Variants in ARG1 observed in about 807,000 individuals in gnomAD.
ARG1 encodes arginase-1.
ARG1 carries 20 observed loss-of-function variants against 33.0 expected under a neutral mutation model. The observed-to-expected ratio is 0.61, with a 90% confidence interval of 0.43 to 0.88. The LOEUF (loss-of-function observed/expected upper bound fraction) is 0.88, where lower values mean the gene tolerates loss of function less well. Among genes scored for constraint, ARG1 ranks in the 40% least tolerant of loss-of-function variants. The pLI is 0.00. For synonymous variants in ARG1, 146 were observed against 140.6 expected (o/e 1.04, Z -0.27); for missense variants, 374 against 384.7 (o/e 0.97, Z 0.23).
chr6:131,575,176 A>T (rs968288220), intron 1 of ARG1, among the ~76,000 whole-genome samples: 1 of 152,192 alleles, frequency 6.6e-6, no homozygotes, highest in Non-Finnish European at 1.5e-5. Flanking sequence ...TATAGTGTCA[A>T]CTAAGGGGTC....
At chr6:131,583,520 G>A in intron 7 of ARG1, 29 bp downstream of exon 7, 1 of 1,612,380 alleles carries the variant, frequency 6.2e-7, no homozygotes, top group Middle Eastern at 1.7e-4. Flanking sequence ...TAATAGAGAA[G>A]CAAGTGTACA....
At chr6:131,576,010 A>G (rs564178278) in intron 1 of ARG1, among the ~76,000 whole-genome samples, 3 of 152,250 alleles carry the variant, frequency 2.0e-5, no homozygotes, top group Admixed American at 2.0e-4. Context: ...CACTCTTTCG[A>G]TGCTTTTGCC....
Position 131,583,454 on chromosome 6 carries a change from A to T in ARG1, c.765A>T (p.Arg255Ser). ...GTPVVGGLTY[R>S]EGLYITEEIY... is the part of the protein sequence containing the mutation. ...CAGTCGTGGGAGGTCTGACATACAG[A>T]GAAGGTCTCTACATCACAGAAGAAA... is the stretch of plus-strand genomic sequence containing the variant. The change falls in exon 7 of 8, where the codon AGA (arginine) becomes AGT (serine). Residue 255 changes from arginine to serine, a missense_variant. By Grantham distance (110) the Arg-to-Ser change is moderately radical. Transcript: ENST00000368087. The T allele has an allele frequency of 3.7e-6, 6 of 1,614,100 alleles. No homozygotes were observed. Among genetic ancestry groups the T allele is most frequent in the Non-Finnish European group, 5.1e-6 (6 of 1,179,952 alleles).
chr6:131,579,111 A>G lies in ARG1; in HGVS notation c.131A>G (p.Glu44Gly), dbSNP rs1299429729. The change falls in exon 3 of 8, where the codon GAG becomes GGG. Residue 44 changes from glutamate (E) to glycine (G), a missense_variant and splice_region_variant. Transcript: ENST00000368087. ...AGLLEKLKEQECDVKDYGDLP... is the reference protein window; with the variant it reads ...AGLLEKLKEQGCDVKDYGDLP... ...GTAACTCAAAACTTTTTAATTTTAG[A>G]GTGTGATGTGAAGGATTATGGGGAC... 1 of 1,614,028 alleles carries G rather than the reference A, an allele frequency of 6.2e-7. No individual in the cohort carries two copies. Among genetic ancestry groups the G allele is most frequent in the African/African-American group, 1.3e-5 (1 of 75,050 alleles).
intron 2 of ARG1, among the ~76,000 whole-genome samples, chr6:131,578,349 A>G (rs1773732514): frequency 6.6e-6 from 1 of 152,180 alleles, no homozygotes. Context: ...TGTAACAAAT[A>G]CCATATTTAA....
chr6:131,581,103 A>G, intron 3 of ARG1, 116 bp from the exon 4 acceptor site: 1 of 1,010,742 alleles, frequency 9.9e-7, no homozygotes, highest in Non-Finnish European at 1.5e-6. Flanking sequence ...AGAACCTATC[A>G]GAAATATCAG....
chr6:131,582,977 C>A, intron 5 of ARG1, 83 bp from the exon 6 acceptor site: 1 of 958,926 alleles, frequency 1.0e-6, no homozygotes, highest in Non-Finnish European at 1.6e-6. Flanking sequence ...ATATATTTTA[C>A]TATATTTATA....
chr6:131,583,453 GAGA>G lies in ARG1; in HGVS notation c.767_769del (p.Glu256del), dbSNP rs1554251236. 1.1e-5 allele frequency: 17 copies of G among 1,614,154 alleles called. No individual in the cohort carries two copies. The highest frequency in any genetic ancestry group is 1.4e-5 in the Non-Finnish European group (16 of 1,179,994). The stretch of plus-strand genomic sequence containing the variant: ...CCAGTCGTGGGAGGTCTGACATACA[GAGA>G]AGGTCTCTACATCACAGAAGAAATC... On this transcript the variant is annotated inframe_deletion, in exon 7 of 8. Transcript: ENST00000368087.
chr6:131,579,190 A>G lies in ARG1; in HGVS notation c.210A>G (p.Pro70=), dbSNP rs745580041. 1.9e-6 allele frequency: 3 copies of G among 1,613,988 alleles called. No individual in the cohort carries two copies. Among genetic ancestry groups the G allele is most frequent in the Non-Finnish European group, 1.7e-6 (2 of 1,180,024 alleles). ...NDSPFQIVKN[P]RSVGKASEQL... is the part of the protein sequence containing the mutation. ...GTCCCTTTCAAATTGTGAAGAATCC[A>G]AGGTCTGTGGGAAAAGCAAGCGAGC... Residue 70 remains proline (P), a synonymous_variant, in exon 3 of 8, where the codon CCA becomes CCG. Transcript: ENST00000368087.
chr6:131,584,017 G>T lies in ARG1; in HGVS notation c.*109G>T, dbSNP rs1000451954. 2.3e-6 allele frequency: 3 copies of T among 1,315,252 alleles called. No individual in the cohort carries two copies. Among genetic ancestry groups the T allele is most frequent in the Middle Eastern group, 2.1e-4 (1 of 4,854 alleles). The allele number at this position is 1,315,252 out of a possible 1,614,324, so 81.5% of individuals were successfully genotyped here. A position where few individuals can be genotyped will look rare whatever the true frequency, so the allele number is the denominator to read the frequency against. On this transcript the variant is annotated 3_prime_UTR_variant, in exon 8 of 8. Transcript: ENST00000368087. ...TAAAGACTTGTTCTTTCAGAAAAATGTTTTTCCAATTAGTATAAACTCTAC... is the reference window on the plus strand; with the variant it reads ...TAAAGACTTGTTCTTTCAGAAAAATTTTTTTCCAATTAGTATAAACTCTAC...
intron 2 of ARG1, among the ~76,000 whole-genome samples, chr6:131,577,904 CAAAAAAA>C (rs574140142): frequency 4.0e-5 from 3 of 74,992 alleles, no homozygotes; most frequent in East Asian, 7.9e-4. Flanking sequence ...ACTCCATCTC[CAAAAAAA>C]AAAAAAAAAG....
chr6:131,579,588 A>G (rs1035977471), intron 3 of ARG1: 4 of 259,326 alleles, frequency 1.5e-5, no homozygotes, highest in Non-Finnish European at 3.0e-5. Flanking sequence ...GGCAATTCAT[A>G]GCTTATTTGT....
rs1244186113 is a variant in ARG1 at position 131,582,611 on chromosome 6, G to T, written c.466-10G>T. On this transcript the variant is annotated splice_polypyrimidine_tract_variant and intron_variant, in intron 4 of 7. Coordinates refer to ENST00000368087, the MANE Select transcript of ARG1 (RefSeq NM_000045.4). ...TCATACATAACCAAGTGAAAACATT[G>T]TAATTTTAGATTCCCGATGTGCCAG... 6.2e-7 allele frequency: 1 copy of T among 1,608,102 alleles called. No individual in the cohort carries two copies. Among genetic ancestry groups the T allele is most frequent in the South Asian group, 1.1e-5 (1 of 90,948 alleles).
intron 2 of ARG1, among the ~76,000 whole-genome samples, chr6:131,577,237 T>C (rs1773662835): frequency 1.3e-5 from 2 of 152,254 alleles, no homozygotes; most frequent in Non-Finnish European, 2.9e-5. Context: ...CTGTTACCTT[T>C]ACATATAAGA....
At position 131,574,106 on chromosome 6, in the gene ARG1, G is replaced by A; in HGVS notation, c.57+767G>A. On this transcript the variant is annotated intron_variant, in intron 1 of 7. Coordinates refer to ENST00000368087, the MANE Select transcript of ARG1 (RefSeq NM_000045.4). ...GCACACTTATTCTAGTAAAGAGAGT[G>A]TGATGACAGAACACCTTAGACTTCA... 3 of 719,128 alleles carry A rather than the reference G, an allele frequency of 4.2e-6. No homozygotes were observed. In the South Asian group the frequency reaches 4.7e-5, roughly 11 times the overall value. 44.5% of individuals were successfully genotyped at this position (719,128 alleles called of 1,614,324 possible).
chr6:131,573,612 G>A (rs551050123), intron 1 of ARG1, among the ~76,000 whole-genome samples: 1 of 152,144 alleles, frequency 6.6e-6, no homozygotes, highest in East Asian at 1.9e-4. Flanking sequence ...ATTTTTCTTT[G>A]AATTGAAATG....
intron 2 of ARG1, among the ~76,000 whole-genome samples, chr6:131,577,980 TAAGAC>T (rs1307200196): frequency 2.0e-5 from 3 of 151,036 alleles, no homozygotes; most frequent in Admixed American, 1.3e-4. Context: ...AGCAGCATGA[TAAGAC>T]AAGAAAGACT....
At chr6:131,577,146 C>T (rs772159835) in intron 2 of ARG1, among the ~76,000 whole-genome samples, 5 of 152,088 alleles carry the variant, frequency 3.3e-5, no homozygotes, top group African/African-American at 7.2e-5. Context: ...CTAGTGTGGG[C>T]GCAGTGTGTA....
At chr6:131,574,189 G>A in intron 1 of ARG1, 1 of 1,319,840 alleles carries the variant, frequency 7.6e-7, no homozygotes, top group Non-Finnish European at 1.1e-6. Flanking sequence ...ACAAGACAAT[G>A]TATGAGTTGA....
Sources: allele counts gnomAD v4.1 joint callset (sites outside exome capture counted in the v4.1 genomes callset), GRCh38; gene constraint gnomAD v4.1.1; transcripts MANE v1.5; gene names NCBI Gene and HGNC (gene_info 2026-07-23, HGNC 2026-07-21).